Variants in CNGB3 observed in about 807,000 individuals in gnomAD.
CNGB3 encodes cyclic nucleotide gated channel subunit beta 3, also known as cyclic nucleotide-gated channel beta-3.
A neutral mutation model predicts 92.8 loss-of-function variants in CNGB3; 86 were observed. That is an observed-to-expected ratio of 0.93 (90% CI 0.78 to 1.11). The LOEUF is 1.11. CNGB3 is among the 50% of genes least tolerant of loss of function. The pLI, the probability that CNGB3 is intolerant of heterozygous loss-of-function variation, is 0.00. For synonymous variants in CNGB3, 333 were observed against 332.7 expected (o/e 1.00, Z -0.01); for missense variants, 1,026 against 956.8 (o/e 1.07, Z -0.95).
chr8:86,599,379 T>G (rs1866908), intron 15 of CNGB3, among the ~76,000 whole-genome samples: 2 of 152,096 alleles, frequency 1.3e-5, no homozygotes, highest in Non-Finnish European at 2.9e-5. Context: ...GTTGTAGAGC[T>G]TGTGTGTTTG....
intron 3 of CNGB3, among the ~76,000 whole-genome samples, chr8:86,725,559 T>C (rs1354463028): frequency 1.3e-5 from 2 of 152,200 alleles, no homozygotes; most frequent in Non-Finnish European, 2.9e-5. Flanking sequence ...TGTGTGCGTG[T>C]ATGTGGTAGA....
rs145481060 is a variant in CNGB3 at position 86,624,154 on chromosome 8, C to T, written c.1578+1829G>A. ...CTATAGATGACTGGGCGCAGTGGCTCATGCCTGTAATTCCAGCACTTTGGG... is the reference window on the plus strand; with the variant it reads ...CTATAGATGACTGGGCGCAGTGGCTTATGCCTGTAATTCCAGCACTTTGGG... On this transcript the variant is annotated intron_variant, in intron 13 of 17. Coordinates refer to ENST00000320005, the MANE Select transcript of CNGB3 (RefSeq NM_019098.5). Among the ~76,000 whole-genome samples the T allele has an allele frequency of 2.5e-3, 386 of 152,360 alleles. 2 individuals are homozygous for T. Among genetic ancestry groups the T allele is most frequent in the African/African-American group, 8.7e-3 (362 of 41,586 alleles).
At chr8:86,660,536 A>C in intron 6 of CNGB3, 1 of 533,954 alleles carries the variant, frequency 1.9e-6, no homozygotes. Context: ...TTTCTCATGC[A>C]TCTGTACAAT....
At chr8:86,696,038 C>T (rs773315904) in intron 3 of CNGB3, among the ~76,000 whole-genome samples, 4 of 152,148 alleles carry the variant, frequency 2.6e-5, no homozygotes, top group Non-Finnish European at 5.9e-5. Flanking sequence ...AGCACCTGCT[C>T]TGGTGGAGGT....
At chr8:86,594,526 C>A in intron 15 of CNGB3, 1 of 330,710 alleles carries the variant, frequency 3.0e-6, no homozygotes, top group Non-Finnish European at 5.8e-6. Flanking sequence ...CTTTGGCAGC[C>A]TCTTGGTCCA....
intron 3 of CNGB3, among the ~76,000 whole-genome samples, chr8:86,673,713 G>T (rs1279676479): frequency 6.6e-6 from 1 of 152,164 alleles, no homozygotes; most frequent in Non-Finnish European, 1.5e-5. Flanking sequence ...TATTACAAGA[G>T]ACTAGACTCA....
At chr8:86,668,386 G>A (rs1823788630) in intron 4 of CNGB3, among the ~76,000 whole-genome samples, 1 of 152,078 alleles carries the variant, frequency 6.6e-6, no homozygotes. Context: ...ACCTAATGTA[G>A]ATGATGGGAT....
chr8:86,610,077 T>G (rs73690936), intron 14 of CNGB3, among the ~76,000 whole-genome samples: 4,041 of 152,214 alleles, frequency 0.027, 99 homozygotes, highest in East Asian at 0.07. Flanking sequence ...TGGTTCTCAG[T>G]TTTGGCTGCA....
Position 86,645,184 on chromosome 8 carries a change from G to A in CNGB3, c.991-498C>T, listed in dbSNP as rs115731732. ...AGTTCAGTAAGTATTAGCATTGGCC[G>A]TTCTTGACATTATTCAAAGATACAA... On this transcript the variant is annotated intron_variant, in intron 8 of 17. Transcript: ENST00000320005. Among the ~76,000 whole-genome samples, 984 of 151,356 alleles carry A rather than the reference G, an allele frequency of 6.5e-3. 4 individuals carry two copies. Among genetic ancestry groups the A allele is most frequent in the African/African-American group, 0.016 (662 of 41,454 alleles).
chr8:86,688,323 C>A (rs1460278859), intron 3 of CNGB3, among the ~76,000 whole-genome samples: 1 of 152,024 alleles, frequency 6.6e-6, no homozygotes, highest in South Asian at 2.1e-4. Flanking sequence ...ATAAAATGGA[C>A]AAATATTACC....
At chr8:86,691,076 T>C (rs1824303031) in intron 3 of CNGB3, among the ~76,000 whole-genome samples, 1 of 152,180 alleles carries the variant, frequency 6.6e-6, no homozygotes, top group African/African-American at 2.4e-5. Flanking sequence ...TTTAAAGTAG[T>C]TTTTTCCAAT....
chr8:86,658,243 C>T (rs1171915412), intron 6 of CNGB3: 2 of 553,434 alleles, frequency 3.6e-6, no homozygotes, highest in East Asian at 4.1e-5. Context: ...CATGCCTGCT[C>T]CTCCTCGGCA....
intron 9 of CNGB3, among the ~76,000 whole-genome samples, chr8:86,644,369 C>G (rs2131594716): frequency 6.6e-6 from 1 of 151,456 alleles, no homozygotes; most frequent in South Asian, 2.1e-4. Flanking sequence ...TTTTTCTGTA[C>G]TTGTTTTGAC....
chr8:86,638,533 C>A (rs183910392), intron 10 of CNGB3, among the ~76,000 whole-genome samples: 52 of 152,182 alleles, frequency 3.4e-4, no homozygotes, highest in Admixed American at 3.1e-3. Flanking sequence ...CCATCTTAGT[C>A]CCTAGTTTCT....
Position 86,667,705 on chromosome 8 carries a change from A to C in CNGB3, c.643+314T>G, listed in dbSNP as rs74925585. ...ATCAACAATGTGAAGCCATGGAAGAAGACTGACACTTTATAATGATGTGTG... is the reference window on the plus strand; with the variant it reads ...ATCAACAATGTGAAGCCATGGAAGACGACTGACACTTTATAATGATGTGTG... On this transcript the variant is annotated intron_variant, in intron 5 of 17. Coordinates refer to ENST00000320005, the MANE Select transcript of CNGB3 (RefSeq NM_019098.5). Among the ~76,000 whole-genome samples, 1,458 of 152,334 alleles carry C rather than the reference A, an allele frequency of 9.6e-3. 22 individuals carry two copies. The highest frequency in any genetic ancestry group is 0.033 in the African/African-American group (1,376 of 41,582).
chr8:86,596,841 C>T (rs562313190), intron 15 of CNGB3, among the ~76,000 whole-genome samples: 1 of 152,266 alleles, frequency 6.6e-6, no homozygotes, highest in East Asian at 1.9e-4. Flanking sequence ...GAATACTATG[C>T]AGCCATAAAA....
chr8:86,705,672 G>A (rs573007512), intron 3 of CNGB3, among the ~76,000 whole-genome samples: 78 of 152,262 alleles, frequency 5.1e-4, no homozygotes, highest in African/African-American at 1.6e-3. Flanking sequence ...TGACATGAGC[G>A]CTGGGGGTTC....
At chr8:86,693,738 G>C (rs1310155224) in intron 3 of CNGB3, among the ~76,000 whole-genome samples, 1 of 151,766 alleles carries the variant, frequency 6.6e-6, no homozygotes, top group African/African-American at 2.4e-5. Flanking sequence ...CACAGCACAT[G>C]TTTCAGAGAG....
chr8:86,638,967 T>A (rs1300950548), intron 10 of CNGB3, among the ~76,000 whole-genome samples: 1 of 151,934 alleles, frequency 6.6e-6, no homozygotes, highest in Non-Finnish European at 1.5e-5. Context: ...TCTCTGCCAT[T>A]GTCTGATCTC....
Sources: allele counts gnomAD v4.1 joint callset (sites outside exome capture counted in the v4.1 genomes callset), GRCh38; gene constraint gnomAD v4.1.1; transcripts MANE v1.5; gene names NCBI Gene and HGNC (gene_info 2026-07-23, HGNC 2026-07-21).